PRDM5: variants seen among roughly 807,000 people sequenced by gnomAD.
The protein encoded by PRDM5 is PR/SET domain 5.
In PRDM5, 56 loss-of-function variants were observed where a neutral mutation model predicts 81.2. The ratio of observed to expected loss-of-function variants is 0.69; its 90% confidence interval spans 0.56 to 0.86. The LOEUF (loss-of-function observed/expected upper bound fraction) is 0.86, where lower values mean the gene tolerates loss of function less well. Among genes scored for constraint, PRDM5 ranks in the 40% least tolerant of loss-of-function variants. The pLI is 0.00. For missense variants in PRDM5, 697 were observed against 770.1 expected (o/e 0.91, Z 1.12); for synonymous variants, 267 against 256.4 (o/e 1.04, Z -0.39).
At chr4:120,863,189 T>TACACACACACACACAC (rs1232966826) in intron 2 of PRDM5, among the ~76,000 whole-genome samples, 13 of 37,362 alleles carry the variant, frequency 3.5e-4, no homozygotes, top group Non-Finnish European at 8.6e-4. Flanking sequence ...TATATATATA[T>TACACACACACACACAC]ATACACACAC....
chr4:120,913,365 C>G (rs1013024309), intron 1 of PRDM5, among the ~76,000 whole-genome samples: 4 of 152,222 alleles, frequency 2.6e-5, no homozygotes, highest in African/African-American at 2.4e-5. Context: ...CCACAAACAT[C>G]TTGTTCCATC....
chr4:120,761,249 G>A (rs1745561453), intron 13 of PRDM5, among the ~76,000 whole-genome samples: 1 of 152,168 alleles, frequency 6.6e-6, no homozygotes, highest in Non-Finnish European at 1.5e-5. Context: ...AAGGCAGCCA[G>A]TAGTAATGAA....
In PRDM5 at chr4:120,836,494, T is replaced by A. The variant is rs552125982; in HGVS notation, c.301-15149A>T. 1.6e-4 allele frequency among the ~76,000 whole-genome samples: 24 copies of A among 152,328 alleles called. No homozygotes were observed. The South Asian group carries it at 4.8e-3, about 30-fold the overall frequency. On this transcript the variant is annotated intron_variant, in intron 3 of 15. Transcript: ENST00000264808. ...TCTTAAGCACTGAGAGTGCCCTCAA[T>A]TCCAAATGACTTTTAACCCATGATT...
chr4:120,805,013 G>A (rs1474996688), intron 8 of PRDM5, among the ~76,000 whole-genome samples: 2 of 152,146 alleles, frequency 1.3e-5, no homozygotes, highest in Non-Finnish European at 2.9e-5. Context: ...AAATGATAAA[G>A]GGGATATCAC....
intron 1 of PRDM5, 75 bp downstream of exon 1, chr4:120,922,441 C>G: frequency 7.9e-7 from 1 of 1,267,932 alleles, no homozygotes. Flanking sequence ...GCCCCGGGCC[C>G]TGCGGCAGGG....
intron 14 of PRDM5, among the ~76,000 whole-genome samples, chr4:120,751,762 T>C (rs1744043863): frequency 1.3e-5 from 2 of 152,178 alleles, no homozygotes; most frequent in African/African-American, 4.8e-5. Context: ...CTATAGGCAA[T>C]AACCAGAGAG....
chr4:120,847,766 T>G (rs1415818034), intron 3 of PRDM5, among the ~76,000 whole-genome samples: 1 of 152,164 alleles, frequency 6.6e-6, no homozygotes, highest in Non-Finnish European at 1.5e-5. Context: ...TCAAAAGTCA[T>G]ACTCTAATAA....
At chr4:120,791,510 A>G (rs78602587) in intron 10 of PRDM5, among the ~76,000 whole-genome samples, 30,275 of 152,174 alleles carry the variant, frequency 0.2, 3,667 homozygotes, top group Non-Finnish European at 0.28. Context: ...AAGATTTTAC[A>G]AGAGATATGA....
At chr4:120,922,191 C>T (rs1725028848) in intron 1 of PRDM5, among the ~76,000 whole-genome samples, 1 of 152,234 alleles carries the variant, frequency 6.6e-6, no homozygotes, top group Non-Finnish European at 1.5e-5. Flanking sequence ...AAGAGGGAGG[C>T]TCCCGCCGCG....
rs185319369 is a variant in PRDM5 at position 120,840,595 on chromosome 4, A to T, written c.300+12823T>A. Among the ~76,000 whole-genome samples, 53 of 152,102 alleles carry T rather than the reference A, an allele frequency of 3.5e-4. 1 individual carries two copies. Among genetic ancestry groups the T allele is most frequent in the African/African-American group, 1.2e-3 (49 of 41,460 alleles). ...GGCCCCAGCTCCGTGACCCAGGCCC[A>T]GCCCCTTCCCCCCATGGGCAAGCAC... On this transcript the variant is annotated intron_variant, in intron 3 of 15. Coordinates refer to ENST00000264808, the MANE Select transcript of PRDM5 (RefSeq NM_018699.4).
Position 120,713,649 on chromosome 4 carries a change from T to C in PRDM5, c.1624-3236A>G, listed in dbSNP as rs114187750. On this transcript the variant is annotated intron_variant, in intron 14 of 15. Transcript: ENST00000264808. ...ACTTTGTATGTTTAAAACTAAAGTTTATCCATATGTTTTATCTCCTACTGA... is the reference window on the plus strand; with the variant it reads ...ACTTTGTATGTTTAAAACTAAAGTTCATCCATATGTTTTATCTCCTACTGA... Among the ~76,000 whole-genome samples, 349 of 152,360 alleles carry C rather than the reference T, an allele frequency of 2.3e-3. 1 individual carries two copies. The highest frequency in any genetic ancestry group is 8.1e-3 in the African/African-American group (336 of 41,590).
At chr4:120,841,879 T>A (rs897281320) in intron 3 of PRDM5, among the ~76,000 whole-genome samples, 2 of 152,220 alleles carry the variant, frequency 1.3e-5, no homozygotes, top group Non-Finnish European at 2.9e-5. Context: ...CTAACATACC[T>A]CCTAAATCTT....
At chr4:120,724,493 C>T (rs968314092) in intron 14 of PRDM5, among the ~76,000 whole-genome samples, 1 of 152,154 alleles carries the variant, frequency 6.6e-6, no homozygotes, top group Non-Finnish European at 1.5e-5. Flanking sequence ...GAGAATTCAA[C>T]ATAGTCACAG....
At chr4:120,695,327 T>C in intron 15 of PRDM5, 52 bp from the exon 16 acceptor site, 1 of 1,591,218 alleles carries the variant, frequency 6.3e-7, no homozygotes, top group Non-Finnish European at 8.6e-7. Flanking sequence ...ACAAAATTTA[T>C]AAACAAAATT....
rs751900616 is a variant in PRDM5 at position 120,794,626 on chromosome 4, CT to C, written c.1188+3640del. ...CCTTTACTCTATATTTTATATTCTACTTTTTTTTTTTTTTTAAGACGGAGTT... is the reference window on the plus strand; with the variant it reads ...CCTTTACTCTATATTTTATATTCTACTTTTTTTTTTTTTTAAGACGGAGTT... On this transcript the variant is annotated intron_variant, in intron 10 of 15. Coordinates refer to ENST00000264808, the MANE Select transcript of PRDM5 (RefSeq NM_018699.4). Among the ~76,000 whole-genome samples the C allele has an allele frequency of 8.8e-3, 1,212 of 137,416 alleles. 13 individuals are homozygous for C. The highest frequency in any genetic ancestry group is 0.016 in the African/African-American group (615 of 37,624). The allele number at this position is 137,416 out of a possible 152,430, so 90.2% of individuals were successfully genotyped here.
chr4:120,898,599 C>A (rs1159911052), intron 2 of PRDM5, among the ~76,000 whole-genome samples: 1 of 152,140 alleles, frequency 6.6e-6, no homozygotes, highest in African/African-American at 2.4e-5. Context: ...GAGCTTTAGT[C>A]ACTCTAGGAC....
chr4:120,698,455 C>T (rs1734847418), intron 15 of PRDM5, among the ~76,000 whole-genome samples: 1 of 152,160 alleles, frequency 6.6e-6, no homozygotes, highest in East Asian at 1.9e-4. Flanking sequence ...GATTTCAGTG[C>T]CCAATCCTTG....
chr4:120,826,167 A>G (rs1755947642), intron 3 of PRDM5, among the ~76,000 whole-genome samples: 1 of 152,092 alleles, frequency 6.6e-6, no homozygotes, highest in Admixed American at 6.5e-5. Context: ...CTGAATTTTC[A>G]TGTCATTCTC....
chr4:120,684,602 C>A (rs944083151), downstream of PRDM5, among the ~76,000 whole-genome samples: 1 of 151,940 alleles, frequency 6.6e-6, no homozygotes, highest in African/African-American at 2.4e-5. Flanking sequence ...CACATTGGGG[C>A]ACTTCTAATT....
Sources: allele counts gnomAD v4.1 joint callset (sites outside exome capture counted in the v4.1 genomes callset), GRCh38; gene constraint gnomAD v4.1.1; transcripts MANE v1.5; gene names NCBI Gene and HGNC (gene_info 2026-07-23, HGNC 2026-07-21).